Variants in FRMD1 observed in about 807,000 individuals in gnomAD.
The protein encoded by FRMD1 is FERM domain containing 1.
Under a neutral mutation model 54.9 loss-of-function variants are expected in FRMD1, and 51 were observed. The observed-to-expected ratio is 0.93, with a 90% CI of 0.74 to 1.17. The LOEUF (loss-of-function observed/expected upper bound fraction) is 1.17, where lower values mean the gene tolerates loss of function less well. Ranked by LOEUF, FRMD1 falls within the 50% of genes most tolerant of loss-of-function variation. The pLI is 0.00. For missense variants in FRMD1, 729 were observed against 743.0 expected (o/e 0.98, Z 0.22); for synonymous variants, 324 against 306.4 (o/e 1.06, Z -0.60).
In FRMD1 at chr6:168,060,918, A is replaced by ACTGCCGTGG; in HGVS notation, c.1176_1184dup (p.His393_Ser395dup). On this transcript the variant is annotated inframe_insertion, in exon 9 of 11. Coordinates refer to ENST00000283309, the MANE Select transcript of FRMD1 (RefSeq NM_024919.6). ...TGGCCTTGATGCCTGACGTGTAGGA[A>ACTGCCGTGG]CTGCCGTGGCTGTCGGCGGAGTGGC... is the stretch of plus-strand genomic sequence containing the variant. 1 of 1,613,760 alleles carries ACTGCCGTGG rather than the reference A, an allele frequency of 6.2e-7. No individual in the cohort carries two copies. Among genetic ancestry groups the ACTGCCGTGG allele is most frequent in the Non-Finnish European group, 8.5e-7 (1 of 1,180,034 alleles).
chr6:168,062,853 C>A (rs2114967936), intron 7 of FRMD1, 41 bp downstream of exon 7: 2 of 1,603,888 alleles, frequency 1.2e-6, no homozygotes, highest in Middle Eastern at 1.7e-4. Context: ...GGGGTGGGGG[C>A]AGGACGAGGG....
upstream of FRMD1, among the ~76,000 whole-genome samples, chr6:168,080,424 G>A (rs1800795201): frequency 7.1e-6 from 1 of 141,072 alleles, no homozygotes; most frequent in South Asian, 2.4e-4. Context: ...TTAGCTGAGA[G>A]CACAAAAAGT....
rs373219843 is a variant in FRMD1, at chr6:168,060,977, C to A, written c.1126G>T (p.Val376Phe). 83 of 1,612,932 alleles carry A rather than the reference C, an allele frequency of 5.1e-5. No individual in the cohort carries two copies. The highest frequency in any genetic ancestry group is 6.7e-5 in the Non-Finnish European group (79 of 1,179,946). ...CAGTGGGGGCAGTGCTGGCTGCTGA[C>A]CCCACTGCCCGGGAAGCTCCTGCTG... The part of the protein sequence containing the change: ...LASRSFPGSG[V>F]SSQHCPHCLS... The change falls in exon 9 of 11, where the codon GTC becomes TTC. Residue 376 changes from valine to phenylalanine, a missense_variant. Coordinates refer to ENST00000283309, the MANE Select transcript of FRMD1 (RefSeq NM_024919.6).
At position 168,059,077 on chromosome 6, in the gene FRMD1, G is replaced by T; in HGVS notation, c.1407+47C>A. 2 of 1,446,644 alleles carry T rather than the reference G, an allele frequency of 1.4e-6. No individual in the cohort carries two copies. Among genetic ancestry groups the T allele is most frequent in the Non-Finnish European group, 9.4e-7 (1 of 1,061,074 alleles). 89.6% of individuals were successfully genotyped at this position (1,446,644 alleles called of 1,614,324 possible). A position where few individuals can be genotyped will look rare whatever the true frequency, so the allele number is the denominator to read the frequency against. ...CCTGACAGGGGACCTAGGAGAAGGG[G>T]GTGGAGGAGCAGGGCCAGGGCTTCT... On this transcript the variant is annotated intron_variant, in intron 10 of 10. Coordinates refer to ENST00000283309, the MANE Select transcript of FRMD1 (RefSeq NM_024919.6). The surrounding 1 kb of genome is among the most constrained non-coding windows in gnomAD (Gnocchi z 4.4).
chr6:168,074,532 ATG>A (rs1800471506), intron 2 of FRMD1, among the ~76,000 whole-genome samples: 1 of 134,578 alleles, frequency 7.4e-6, no homozygotes, highest in South Asian at 2.5e-4. Flanking sequence ...GTATGTGTAC[ATG>A]TGAGTAGTGT....
intron 4 of FRMD1, 108 bp downstream of exon 4, chr6:168,066,647 G>A (rs1040723913): frequency 6.9e-7 from 1 of 1,449,960 alleles, no homozygotes; most frequent in Non-Finnish European, 9.1e-7. Context: ...TTTGTTTTTT[G>A]TTTTTGGATA....
intron 2 of FRMD1, among the ~76,000 whole-genome samples, chr6:168,069,214 C>G (rs1391538840): frequency 6.6e-6 from 1 of 152,214 alleles, no homozygotes; most frequent in Non-Finnish European, 1.5e-5. Flanking sequence ...CATAACAGGC[C>G]AAGGACCCTC....
chr6:168,061,973 C>A lies in FRMD1; in HGVS notation c.879G>T (p.Lys293Asn), dbSNP rs762988625. 1 of 1,594,410 alleles carries A rather than the reference C, an allele frequency of 6.3e-7. No individual in the cohort carries two copies. Among genetic ancestry groups the A allele is most frequent in the Non-Finnish European group, 8.5e-7 (1 of 1,171,046 alleles). ...GCAGCCCATCCAGCTGGATCTCCAG[C>A]TTCTTTCCCTGAGCAAACAGGAGAG... Reference protein sequence around the residue: ...LRGVHIYQGKKLEIQLDGLPA... With the variant: ...LRGVHIYQGKNLEIQLDGLPA... Residue 293 changes from lysine to asparagine, a missense_variant, in exon 8 of 11, where the codon AAG becomes AAT. Lys to Asn is a moderately conservative substitution (Grantham distance 94). Transcript: ENST00000283309.
chr6:168,062,609 C>T (rs1799808420), intron 7 of FRMD1: 2 of 1,477,916 alleles, frequency 1.4e-6, no homozygotes, highest in Non-Finnish European at 1.8e-6. Context: ...CAGAAAATGC[C>T]CCGAGGATGA....
intron 2 of FRMD1, among the ~76,000 whole-genome samples, chr6:168,068,619 G>A (rs1016246692): frequency 1.3e-5 from 2 of 152,180 alleles, no homozygotes; most frequent in Non-Finnish European, 2.9e-5. Context: ...TTTTGAGTAT[G>A]TTCAACATGA....
chr6:168,076,855 G>C (rs1800617182), intron 1 of FRMD1, among the ~76,000 whole-genome samples: 1 of 152,194 alleles, frequency 6.6e-6, no homozygotes. Context: ...ATATTTGGTT[G>C]AATACAGGGT....
At chr6:168,082,103 A>C (rs1299717584), upstream of FRMD1, among the ~76,000 whole-genome samples, 1 of 152,158 alleles carries the variant, frequency 6.6e-6, no homozygotes, top group Non-Finnish European at 1.5e-5. Context: ...ACATGCTTGC[A>C]CACGTATGTT....
At chr6:168,085,573 G>A (rs1352878074), upstream of FRMD1, among the ~76,000 whole-genome samples, 2 of 152,208 alleles carry the variant, frequency 1.3e-5, no homozygotes, top group South Asian at 2.1e-4. Flanking sequence ...TGCAGAGGAG[G>A]TCGGTCACTT....
In FRMD1 at chr6:168,062,521, C is replaced by T. The variant is rs1799803214; in HGVS notation, c.870+373G>A. 9.0e-6 allele frequency: 7 copies of T among 778,636 alleles called. No individual in the cohort carries two copies. The South Asian group carries it at 1.1e-4, about 12-fold the overall frequency. 48.2% of individuals were successfully genotyped at this position (778,636 alleles called of 1,614,324 possible). A position where few individuals can be genotyped will look rare whatever the true frequency, so the allele number is the denominator to read the frequency against. On this transcript the variant is annotated intron_variant, in intron 7 of 10. Transcript: ENST00000283309. ...GCAGGGCCAGGGCCAGGCACAAAGC[C>T]CGTGAGGCCAGGACGGCCCTGATGC...
chr6:168,082,035 G>A (rs949577838), upstream of FRMD1, among the ~76,000 whole-genome samples: 5 of 152,230 alleles, frequency 3.3e-5, no homozygotes, highest in African/African-American at 4.8e-5. Context: ...CCATGTGGGC[G>A]TGAGTGTGAG....
intron 1 of FRMD1, among the ~76,000 whole-genome samples, chr6:168,089,248 C>T (rs1052134346): frequency 1.3e-5 from 2 of 152,210 alleles, no homozygotes; most frequent in Admixed American, 6.5e-5. Context: ...TAGGGAGATC[C>T]TTCTGCTGCC....
chr6:168,090,614 CT>C (rs1489666358), intron 1 of FRMD1, among the ~76,000 whole-genome samples: 1 of 152,228 alleles, frequency 6.6e-6, no homozygotes, highest in Non-Finnish European at 1.5e-5. Context: ...AACTTGACCC[CT>C]GCCTGTTTGC....
At chr6:168,061,774 C>G in intron 8 of FRMD1, 33 bp downstream of exon 8, 1 of 1,526,948 alleles carries the variant, frequency 6.5e-7, no homozygotes. Context: ...CACAGTCCGG[C>G]TGCGGAGCCC....
chr6:168,088,097 G>C (rs1800952712), intron 1 of FRMD1, among the ~76,000 whole-genome samples: 1 of 152,186 alleles, frequency 6.6e-6, no homozygotes, highest in Non-Finnish European at 1.5e-5. Context: ...CCCACAACAA[G>C]CTGGGGGTTA....
Sources: gnomAD v4.1 joint callset for allele counts (sites outside exome capture counted in the v4.1 genomes callset) on GRCh38, gnomAD v4.1.1 for gene constraint, Gnocchi (gnomAD v3.1) non-coding constraint, MANE v1.5 for transcripts, NCBI Gene and HGNC (gene_info 2026-07-23, HGNC 2026-07-21) for gene names.